PTCH1: variants seen among roughly 807,000 people sequenced by gnomAD.
The protein encoded by PTCH1 is protein patched homolog 1.
PTCH1 carries 14 observed loss-of-function variants against 144.6 expected under a neutral mutation model. The ratio of observed to expected loss-of-function variants is 0.10; its 90% CI spans 0.06 to 0.15. The LOEUF is 0.15. PTCH1 is among the 10% of genes least tolerant of loss of function. PTCH1 has a pLI of 1.00. For missense variants in PTCH1, 1,623 were observed against 1,948.3 expected (o/e 0.83, Z 3.14); for synonymous variants, 833 against 793.6 (o/e 1.05, Z -0.83).
chr9:95,475,169 C>A, intron 12 of PTCH1, among the ~76,000 whole-genome samples: 1 of 152,278 alleles, frequency 6.6e-6, no homozygotes, highest in South Asian at 2.1e-4. Context: ...TCAAGGGCAA[C>A]GTCAGTAATT....
At chr9:95,454,126 T>C (rs1588530406) in intron 19 of PTCH1, among the ~76,000 whole-genome samples, 1 of 152,346 alleles carries the variant, frequency 6.6e-6, no homozygotes, top group Admixed American at 6.5e-5. Flanking sequence ...TATGAGTGTA[T>C]TGCAAGAAAT....
At chr9:95,482,224 G>A (rs1348259634) in intron 3 of PTCH1, 21 bp from the exon 4 acceptor site, 2 of 1,609,546 alleles carry the variant, frequency 1.2e-6, no homozygotes, top group Non-Finnish European at 1.7e-6. Flanking sequence ...GAAAAGCAGA[G>A]ACAAAAATTT....
rs1179550984 is a variant in PTCH1, at chr9:95,476,518, C to T, written c.1602+241G>A. Among the ~76,000 whole-genome samples the T allele has an allele frequency of 6.6e-6, 1 of 152,134 alleles. No homozygotes were observed. Among genetic ancestry groups the T allele is most frequent in the Non-Finnish European group, 1.5e-5 (1 of 68,032 alleles). On this transcript the variant is annotated intron_variant, in intron 11 of 23. Transcript: ENST00000331920. The surrounding 1 kb of genome is among the most constrained non-coding windows in gnomAD (Gnocchi z 4.6). ...TATGGCAGTTAGGGATAAAGTGTCA[C>T]ATTAAAACAAACACCCGTATTCCTA...
chr9:95,490,993 T>C (rs947811648), intron 2 of PTCH1, among the ~76,000 whole-genome samples: 5 of 152,178 alleles, frequency 3.3e-5, no homozygotes, highest in Non-Finnish European at 7.3e-5. Context: ...CACAAATATA[T>C]ACAGTATTAT....
At chr9:95,505,790 G>A (rs1425204335) in intron 2 of PTCH1, among the ~76,000 whole-genome samples, 1 of 149,192 alleles carries the variant, frequency 6.7e-6, no homozygotes, top group Non-Finnish European at 1.5e-5. Context: ...CGCGTTTTTT[G>A]TACCTTGAGA....
At chr9:95,451,820 A>T (rs1016749043) in intron 20 of PTCH1, 3 of 152,248 alleles carry the variant, frequency 2.0e-5, no homozygotes, top group African/African-American at 7.2e-5. Context: ...AGTGTATACT[A>T]AGAACAAAGG....
intron 2 of PTCH1, 172 bp downstream of exon 2, chr9:95,506,235 G>C: frequency 1.4e-6 from 1 of 716,200 alleles, no homozygotes; most frequent in Non-Finnish European, 2.2e-6. Flanking sequence ...CGCGGCCTTT[G>C]TCGGGCGGGC....
At chr9:95,490,534 C>T (rs1311017711) in intron 2 of PTCH1, among the ~76,000 whole-genome samples, 1 of 151,364 alleles carries the variant, frequency 6.6e-6, no homozygotes, top group Non-Finnish European at 1.5e-5. Flanking sequence ...CACACACACA[C>T]ACACACACAC....
rs74567687 is a variant in PTCH1 at position 95,474,034 on chromosome 9, G to A, written c.1728+2000C>T. 4.5e-4 allele frequency: 216 copies of A among 479,108 alleles called. 1 individual carries two copies. The highest frequency in any genetic ancestry group is 3.1e-3 in the African/African-American group (160 of 50,882). 29.7% of individuals were successfully genotyped at this position (479,108 alleles called of 1,614,324 possible). A position where few individuals can be genotyped will look rare whatever the true frequency, so the allele number is the denominator to read the frequency against. On this transcript the variant is annotated intron_variant, in intron 12 of 23. Coordinates refer to ENST00000331920, the MANE Select transcript of PTCH1 (RefSeq NM_000264.5). ...TACCTTGGGAGAATTTAGCGCACTGGATTTTCTACAAGGCTACTCCTCGTA... is the reference window on the plus strand; with the variant it reads ...TACCTTGGGAGAATTTAGCGCACTGAATTTTCTACAAGGCTACTCCTCGTA...
At chr9:95,474,090 A>G (rs1462982139) in intron 12 of PTCH1, 1 of 504,570 alleles carries the variant, frequency 2.0e-6, no homozygotes, top group South Asian at 1.5e-5. Flanking sequence ...TCAGACCACC[A>G]CACCACAGGG....
exon 1 of PTCH1, chr9:95,516,818 C>T: frequency 3.1e-6 from 5 of 1,601,146 alleles, no homozygotes; most frequent in Middle Eastern, 1.7e-4. Flanking sequence ...TAAGCAGTTC[C>T]ATGGCCCTCG....
intron 2 of PTCH1, among the ~76,000 whole-genome samples, chr9:95,487,528 T>C (rs1842064370): frequency 6.6e-6 from 1 of 152,154 alleles, no homozygotes; most frequent in African/African-American, 2.4e-5. Flanking sequence ...GCACAGTACT[T>C]AACACCACGC....
At position 95,509,051 on chromosome 9, in the gene PTCH1, C is replaced by A. The variant is rs1843991570; in HGVS notation, c.-690G>T. Among the ~76,000 whole-genome samples, 1 of 151,980 alleles carries A rather than the reference C, an allele frequency of 6.6e-6. No homozygotes were observed. The highest frequency in any genetic ancestry group is 1.5e-5 in the Non-Finnish European group (1 of 67,950). On this transcript the variant is annotated 5_prime_UTR_variant, in exon 1 of 24. Transcript: ENST00000331920. ...TGGGTTCGCGGTGGCTGCTCGGTCC[C>A]GGACTCTGCTTTCTTGTGCTCCTCG...
intron 1 of PTCH1, chr9:95,507,506 TG>T (rs1156873917): frequency 1.1e-6 from 1 of 937,774 alleles, no homozygotes; most frequent in African/African-American, 1.8e-5. Context: ...GGTGGCAATT[TG>T]TTTACAACTT....
rs757344587 is a variant in PTCH1 at position 95,469,108 on chromosome 9, G to A, written c.1893C>T (p.Thr631=). The A allele has an allele frequency of 5.0e-6, 8 of 1,613,962 alleles. No individual in the cohort carries two copies. The highest frequency in any genetic ancestry group is 1.3e-5 in the African/African-American group (1 of 74,908). Residue 631 remains threonine, a synonymous_variant, in exon 14 of 24, where the codon ACC becomes ACT. Coordinates refer to ENST00000331920, the MANE Select transcript of PTCH1 (RefSeq NM_000264.5). ...TGTAGCGGGTATTGTCGTGTGTGTC[G>A]GTGTAGGCCTGAGGTTCAACCTGAA... is the stretch of plus-strand genomic sequence containing the variant. ...RVIQVEPQAY[T]DTHDNTRYSP...
chr9:95,490,519 T>TCACACACATA (rs536111739), intron 2 of PTCH1, among the ~76,000 whole-genome samples: 3 of 119,924 alleles, frequency 2.5e-5, no homozygotes, highest in Admixed American at 8.0e-5. Flanking sequence ...ACCTTCTATG[T>TCACACACATA]GACACACACA....
chr9:95,494,186 A>G, intron 2 of PTCH1: 1 of 984,688 alleles, frequency 1.0e-6, no homozygotes. Context: ...CCCCGCCCCC[A>G]CCAGCTGCTG....
Position 95,449,768 on chromosome 9 carries a change from G to T in PTCH1, c.3549+73C>A. 7.3e-7 allele frequency: 1 copy of T among 1,374,484 alleles called. No individual in the cohort carries two copies. Among genetic ancestry groups the T allele is most frequent in the Non-Finnish European group, 1.0e-6 (1 of 969,482 alleles). 85.1% of individuals were successfully genotyped at this position (1,374,484 alleles called of 1,614,324 possible). On this transcript the variant is annotated intron_variant, in intron 21 of 23. Coordinates refer to ENST00000331920, the MANE Select transcript of PTCH1 (RefSeq NM_000264.5). The surrounding 1 kb of genome is among the most constrained non-coding windows in gnomAD (Gnocchi z 5.3). The stretch of plus-strand genomic sequence containing the variant: ...GCAAGTGGGGAGGCACCTAAGTATC[G>T]AAGTGAAGAGCGGCACAGGAAACAC...
chr9:95,460,616 G>T (rs1839374020), intron 16 of PTCH1, among the ~76,000 whole-genome samples: 1 of 152,186 alleles, frequency 6.6e-6, no homozygotes, highest in Non-Finnish European at 1.5e-5. Flanking sequence ...GGGAGAGAGT[G>T]AGAGAACTGG....
Sources: gnomAD v4.1 joint callset for allele counts (sites outside exome capture counted in the v4.1 genomes callset) on GRCh38, gnomAD v4.1.1 for gene constraint, Gnocchi (gnomAD v3.1) non-coding constraint, MANE v1.5 for transcripts, NCBI Gene and HGNC (gene_info 2026-07-23, HGNC 2026-07-21) for gene names.